Variants in ASTN2 observed in about 807,000 individuals in gnomAD.
ASTN2 encodes the protein astrotactin-2.
A neutral mutation model predicts 139.8 loss-of-function variants in ASTN2; 54 were observed. That is an observed-to-expected ratio of 0.39 (90% confidence interval 0.31 to 0.48). ASTN2 has a LOEUF of 0.48. Among genes scored for constraint, ASTN2 ranks in the 20% least tolerant of loss-of-function variants. The pLI, the probability that ASTN2 is intolerant of heterozygous loss-of-function variation, is 0.95. For synonymous variants in ASTN2, 756 were observed against 719.5 expected (o/e 1.05, Z -0.81); for missense variants, 1,565 against 1,725.1 (o/e 0.91, Z 1.64).
rs149801956 is a variant in ASTN2, at chr9:116,936,305, A to C, written c.1889+38903T>G. Reference sequence around the variant, plus strand: ...ACCACCCACCATCACCACCACCAACATTCCAACCATCACCATAATCAGAAT... The same window carrying C: ...ACCACCCACCATCACCACCACCAACCTTCCAACCATCACCATAATCAGAAT... On this transcript the variant is annotated intron_variant, in intron 10 of 22. Coordinates refer to ENST00000313400, the MANE Select transcript of ASTN2 (RefSeq NM_001365068.1). Among the ~76,000 whole-genome samples, 1,405 of 145,516 alleles carry C rather than the reference A, an allele frequency of 9.7e-3. 12 individuals carry two copies. Among genetic ancestry groups the C allele is most frequent in the South Asian group, 0.018 (82 of 4,462 alleles).
At chr9:117,240,704 G>A (rs770050080) in intron 2 of ASTN2, among the ~76,000 whole-genome samples, 7 of 152,148 alleles carry the variant, frequency 4.6e-5, no homozygotes, top group Non-Finnish European at 7.4e-5. Context: ...ATGTGGGCCA[G>A]TTTTTCTCCT....
At position 116,687,210 on chromosome 9, in the gene ASTN2, G is replaced by A. The variant is rs547881214; in HGVS notation, c.2807-35417C>T. On this transcript the variant is annotated intron_variant, in intron 16 of 22. Coordinates refer to ENST00000313400, the MANE Select transcript of ASTN2 (RefSeq NM_001365068.1). ...CCTGCAGGGCCGCCTTGCCCCGCGCGCTTGGGGCCAGCTGCACGACAAGCC... is the reference window on the plus strand; with the variant it reads ...CCTGCAGGGCCGCCTTGCCCCGCGCACTTGGGGCCAGCTGCACGACAAGCC... The A allele has an allele frequency of 1.1e-4, 111 of 1,009,146 alleles. No homozygotes were observed. In the African/African-American group the frequency reaches 1.7e-3, roughly 16 times the overall value. 62.5% of individuals were successfully genotyped at this position (1,009,146 alleles called of 1,614,324 possible).
At chr9:117,372,904 C>G (rs761108241) in intron 1 of ASTN2, among the ~76,000 whole-genome samples, 3 of 152,072 alleles carry the variant, frequency 2.0e-5, no homozygotes, top group Non-Finnish European at 4.4e-5. Context: ...GGATTTGGAA[C>G]CGGAATATTT....
At chr9:116,542,289 A>G (rs34516514) in intron 19 of ASTN2, among the ~76,000 whole-genome samples, 7,995 of 152,286 alleles carry the variant, frequency 0.052, 274 homozygotes, top group Non-Finnish European at 0.074. Context: ...CATTAGCACC[A>G]ACAAAATATT....
At chr9:116,821,272 T>G (rs7036221) in intron 11 of ASTN2, among the ~76,000 whole-genome samples, 8 of 152,126 alleles carry the variant, frequency 5.3e-5, no homozygotes, top group Admixed American at 3.3e-4. Flanking sequence ...GAGAAGTTAC[T>G]TGCCGTCTCT....
chr9:116,842,731 C>T lies in ASTN2; in HGVS notation c.2040+20852G>A, dbSNP rs183082715. Among the ~76,000 whole-genome samples the T allele has an allele frequency of 6.7e-3, 557 of 83,648 alleles. 4 individuals are homozygous for T. The highest frequency in any genetic ancestry group is 0.013 in the Middle Eastern group (2 of 154). 54.9% of individuals were successfully genotyped at this position (83,648 alleles called of 152,430 possible). A position where few individuals can be genotyped will look rare whatever the true frequency, so the allele number is the denominator to read the frequency against. The stretch of plus-strand genomic sequence containing the variant: ...TCGGTGCTCACAAGGAGGGAAGCGG[C>T]GAGGGTGGGGTGGGGCGGGGGGAGG... On this transcript the variant is annotated intron_variant, in intron 11 of 22. Transcript: ENST00000313400.
intron 10 of ASTN2, among the ~76,000 whole-genome samples, chr9:116,903,643 C>T (rs1380358150): frequency 1.3e-5 from 2 of 152,192 alleles, no homozygotes; most frequent in Non-Finnish European, 2.9e-5. Context: ...GGATATGAGA[C>T]ATACTCTCTC....
chr9:117,278,853 T>C (rs1281219461), intron 2 of ASTN2, among the ~76,000 whole-genome samples: 1 of 152,188 alleles, frequency 6.6e-6, no homozygotes, highest in Non-Finnish European at 1.5e-5. Flanking sequence ...TCCCTCAGCA[T>C]GGAGCAAGGG....
At chr9:116,776,725 G>A (rs1054554681) in intron 13 of ASTN2, among the ~76,000 whole-genome samples, 7 of 152,166 alleles carry the variant, frequency 4.6e-5, no homozygotes, top group Non-Finnish European at 1.0e-4. Flanking sequence ...CTGGCAATGA[G>A]ACTGACCAAA....
chr9:116,641,634 T>C (rs1358970527), intron 17 of ASTN2, among the ~76,000 whole-genome samples: 1 of 152,166 alleles, frequency 6.6e-6, no homozygotes, highest in African/African-American at 2.4e-5. Context: ...ACTAATTCAA[T>C]GTCCCATGGA....
intron 1 of ASTN2, among the ~76,000 whole-genome samples, chr9:117,314,670 G>C (rs1186170480): frequency 6.9e-6 from 1 of 144,286 alleles, no homozygotes; most frequent in African/African-American, 2.5e-5. Flanking sequence ...AATTATATAT[G>C]ATATGTTTTT....
chr9:116,718,396 T>G (rs1828373638), intron 16 of ASTN2, among the ~76,000 whole-genome samples: 1 of 152,176 alleles, frequency 6.6e-6, no homozygotes, highest in South Asian at 2.1e-4. Context: ...ATTTGCAAAT[T>G]ATCCTCACGG....
At chr9:116,562,771 A>G (rs957141159) in intron 19 of ASTN2, among the ~76,000 whole-genome samples, 6 of 148,228 alleles carry the variant, frequency 4.0e-5, no homozygotes, top group African/African-American at 1.5e-4. Context: ...TGCTTCTTGG[A>G]GAAAGCAAAG....
chr9:116,834,034 A>G (rs116431752), intron 11 of ASTN2, among the ~76,000 whole-genome samples: 3 of 152,240 alleles, frequency 2.0e-5, no homozygotes, highest in African/African-American at 4.8e-5. Flanking sequence ...ACTGTTAGAA[A>G]TAAGTCTGTT....
At chr9:116,444,220 A>C (rs574120413) in intron 20 of ASTN2, among the ~76,000 whole-genome samples, 9 of 152,200 alleles carry the variant, frequency 5.9e-5, no homozygotes, top group Non-Finnish European at 1.0e-4. Context: ...TCATACATGC[A>C]ACCACTGTAA....
At chr9:116,612,388 G>A (rs1360128231) in intron 19 of ASTN2, 1 of 152,158 alleles carries the variant, frequency 6.6e-6, no homozygotes, top group Non-Finnish European at 1.5e-5. Flanking sequence ...GACATCTACA[G>A]AACTATCCAC....
intron 4 of ASTN2, among the ~76,000 whole-genome samples, chr9:117,117,421 C>T (rs1345755733): frequency 1.3e-5 from 2 of 148,852 alleles, no homozygotes; most frequent in Non-Finnish European, 3.0e-5. Flanking sequence ...CGCAACTCCA[C>T]TAATACCCAA....
intron 10 of ASTN2, among the ~76,000 whole-genome samples, chr9:116,913,634 T>C (rs915980688): frequency 6.6e-6 from 1 of 152,230 alleles, no homozygotes; most frequent in African/African-American, 2.4e-5. Flanking sequence ...GCCAACTGTA[T>C]TGTTCAAAGA....
Position 116,607,670 on chromosome 9 carries a change from A to AACACACAC in ASTN2, c.3355+10646_3355+10653dup, listed in dbSNP as rs57512218. On this transcript the variant is annotated intron_variant, in intron 19 of 22. Transcript: ENST00000313400. ...CTACTGCCCACACCATTAAGAAATT[A>AACACACAC]ACACACACACACACACACACACACA... 1.4e-3 allele frequency among the ~76,000 whole-genome samples: 196 copies of AACACACAC among 136,362 alleles called. 2 individuals are homozygous for AACACACAC. Among genetic ancestry groups the AACACACAC allele is most frequent in the East Asian group, 1.8e-3 (8 of 4,368 alleles). The allele number at this position is 136,362 out of a possible 152,430, so 89.5% of individuals were successfully genotyped here.
Sources: allele counts gnomAD v4.1 joint callset (sites outside exome capture counted in the v4.1 genomes callset), GRCh38; gene constraint gnomAD v4.1.1; transcripts MANE v1.5; gene names NCBI Gene and HGNC (gene_info 2026-07-23, HGNC 2026-07-21).